CPLX1: variants seen among roughly 807,000 people sequenced by gnomAD.
The protein encoded by CPLX1 is complexin 1, also known as complexin-1.
Under a neutral mutation model 15.6 loss-of-function variants are expected in CPLX1, and 6 were observed. The observed-to-expected ratio is 0.39, with a 90% CI of 0.21 to 0.76. The LOEUF (loss-of-function observed/expected upper bound fraction) is 0.76, where lower values mean the gene tolerates loss of function less well. CPLX1 is among the 30% of genes least tolerant of loss of function. The pLI, the probability that CPLX1 is intolerant of heterozygous loss-of-function variation, is 0.43. For synonymous variants in CPLX1, 91 were observed against 75.2 expected (o/e 1.21, Z -1.08); for missense variants, 242 against 188.6 (o/e 1.28, Z -1.66).
chr4:786,297 A>C lies in CPLX1; in HGVS notation c.*204T>G. On this transcript the variant is annotated 3_prime_UTR_variant, in exon 4 of 4. Coordinates refer to ENST00000304062, the MANE Select transcript of CPLX1 (RefSeq NM_006651.4). The stretch of plus-strand genomic sequence containing the variant: ...GATGGGGCTCCAGCCACCCGCGGGC[A>C]GAGGAGCACGGGGCGGACTGGGGGG... 1.7e-5 allele frequency: 7 copies of C among 417,034 alleles called. No homozygotes were observed. Among genetic ancestry groups the C allele is most frequent in the Non-Finnish European group, 2.5e-5 (6 of 239,214 alleles). 25.8% of individuals were successfully genotyped at this position (417,034 alleles called of 1,614,324 possible).
chr4:822,188 C>T (rs1445629523), intron 2 of CPLX1, among the ~76,000 whole-genome samples: 3 of 151,570 alleles, frequency 2.0e-5, no homozygotes, highest in African/African-American at 4.9e-5. Flanking sequence ...CTGTCTCTCC[C>T]TCTGTCTCTG....
intron 2 of CPLX1, among the ~76,000 whole-genome samples, chr4:807,526 G>A (rs2152646298): frequency 6.6e-6 from 1 of 151,890 alleles, no homozygotes; most frequent in East Asian, 1.9e-4. Flanking sequence ...CCTGGCTGGA[G>A]TGCAGTGGCA....
intron 3 of CPLX1, among the ~76,000 whole-genome samples, chr4:789,221 C>T (rs939692172): frequency 6.6e-5 from 10 of 152,168 alleles, no homozygotes; most frequent in African/African-American, 9.7e-5. Flanking sequence ...AGTTCTGAGG[C>T]GTCTGCTCCA....
At chr4:798,695 C>A (rs912566318) in intron 2 of CPLX1, among the ~76,000 whole-genome samples, 5 of 152,216 alleles carry the variant, frequency 3.3e-5, no homozygotes, top group Non-Finnish European at 7.3e-5. Context: ...CTGTGCCCGG[C>A]CAGATAGTGC....
intron 2 of CPLX1, among the ~76,000 whole-genome samples, chr4:813,802 C>G (rs777604824): frequency 6.6e-6 from 1 of 152,154 alleles, no homozygotes; most frequent in Non-Finnish European, 1.5e-5. Flanking sequence ...CTGACCTGTG[C>G]GGATTCCCAA....
intron 2 of CPLX1, among the ~76,000 whole-genome samples, chr4:805,170 G>C (rs1415207735): frequency 2.0e-5 from 3 of 152,246 alleles, no homozygotes; most frequent in Non-Finnish European, 4.4e-5. Context: ...GCTGCAGCCG[G>C]AGAGCCACAG....
intron 2 of CPLX1, among the ~76,000 whole-genome samples, chr4:797,347 G>A (rs1746361763): frequency 6.6e-6 from 1 of 152,154 alleles, no homozygotes; most frequent in African/African-American, 2.4e-5. Context: ...CAGGTGCTCA[G>A]CAAATAGTCT....
At chr4:801,086 G>A (rs1352108031) in intron 2 of CPLX1, among the ~76,000 whole-genome samples, 3 of 151,600 alleles carry the variant, frequency 2.0e-5, no homozygotes, top group Non-Finnish European at 4.4e-5. Flanking sequence ...AAGTCGAGGC[G>A]GGCAGATCAC....
intron 2 of CPLX1, among the ~76,000 whole-genome samples, chr4:823,679 T>C (rs1348169225): frequency 6.6e-6 from 1 of 152,158 alleles, no homozygotes; most frequent in Non-Finnish European, 1.5e-5. Context: ...GAGGCCTGAG[T>C]TGACCCATCA....
intron 2 of CPLX1, among the ~76,000 whole-genome samples, chr4:819,905 G>A (rs181710317): frequency 5.3e-5 from 8 of 152,338 alleles, no homozygotes; most frequent in African/African-American, 1.7e-4. Flanking sequence ...CACTGAGGAC[G>A]AAGGTGGCAC....
intron 2 of CPLX1, among the ~76,000 whole-genome samples, chr4:812,388 T>C (rs1560245097): frequency 6.6e-6 from 1 of 152,184 alleles, no homozygotes; most frequent in Non-Finnish European, 1.5e-5. Flanking sequence ...AGTCTTTTTA[T>C]ATTTAAAGTG....
intron 2 of CPLX1, among the ~76,000 whole-genome samples, chr4:804,218 ATC>A (rs2152645815): frequency 6.6e-6 from 1 of 152,310 alleles, no homozygotes; most frequent in South Asian, 2.1e-4. Flanking sequence ...ACAGCCAATT[ATC>A]TCTTTCTCCG....
At chr4:795,759 G>GGCCCTTCCCACCCGGGAGCTC (rs1746316644) in intron 2 of CPLX1, among the ~76,000 whole-genome samples, 1 of 150,370 alleles carries the variant, frequency 6.7e-6, no homozygotes, top group Non-Finnish European at 1.5e-5. Context: ...CAGCGGGAGG[G>GGCCCTTCCCACCCGGGAGCTC]GCCCTTCCCA....
In CPLX1 at chr4:786,269, G is replaced by A. The variant is rs969800599; in HGVS notation, c.*232C>T. On this transcript the variant is annotated 3_prime_UTR_variant, in exon 4 of 4. Transcript: ENST00000304062. The stretch of plus-strand genomic sequence containing the variant: ...AACAGCAAGAGAAAGGGGCGTCCCA[G>A]GCGATGGGGCTCCAGCCACCCGCGG... 3 of 397,312 alleles carry A rather than the reference G, an allele frequency of 7.6e-6. No individual in the cohort carries two copies. The highest frequency in any genetic ancestry group is 4.5e-5 in the Admixed American group (1 of 22,028). 24.6% of individuals were successfully genotyped at this position (397,312 alleles called of 1,614,324 possible).
At chr4:788,357 C>T in intron 3 of CPLX1, 4 of 984,852 alleles carry the variant, frequency 4.1e-6, no homozygotes, top group Middle Eastern at 5.2e-4. Context: ...GCCAGGGCCA[C>T]CTTCAGTGAG....
intron 3 of CPLX1, among the ~76,000 whole-genome samples, chr4:790,320 G>C (rs1278881353): frequency 6.6e-6 from 1 of 152,202 alleles, no homozygotes; most frequent in African/African-American, 2.4e-5. Flanking sequence ...TTAGACCAAG[G>C]CAGGATCGCA....
At chr4:810,688 TTTTTTC>T (rs960920662) in intron 2 of CPLX1, among the ~76,000 whole-genome samples, 1 of 152,074 alleles carries the variant, frequency 6.6e-6, no homozygotes, top group Non-Finnish European at 1.5e-5. Context: ...GCACATTTTC[TTTTTTC>T]TTTTTCTTTT....
intron 2 of CPLX1, among the ~76,000 whole-genome samples, chr4:809,853 G>GT (rs1256200717): frequency 6.6e-6 from 1 of 152,000 alleles, no homozygotes; most frequent in Non-Finnish European, 1.5e-5. Flanking sequence ...ACAATACGTG[G>GT]TATCTGCAGC....
rs1023224474 is a variant in CPLX1 at position 786,227 on chromosome 4, C to G, written c.*274G>C. On this transcript the variant is annotated 3_prime_UTR_variant, in exon 4 of 4. Transcript: ENST00000304062. ...CCTTCGGCGGCCCTGGCCTCGGGCG[C>G]TGCTGGGTGGGCGGTAAACAGCAAG... 9 of 295,886 alleles carry G rather than the reference C, an allele frequency of 3.0e-5. No individual in the cohort carries two copies. The highest frequency in any genetic ancestry group is 1.8e-4 in the African/African-American group (8 of 45,704). 18.3% of individuals were successfully genotyped at this position (295,886 alleles called of 1,614,324 possible).
Sources: gnomAD v4.1 joint callset for allele counts (sites outside exome capture counted in the v4.1 genomes callset) on GRCh38, gnomAD v4.1.1 for gene constraint, MANE v1.5 for transcripts, NCBI Gene and HGNC (gene_info 2026-07-23, HGNC 2026-07-21) for gene names.